Variants in LAMA2 observed in about 807,000 individuals in gnomAD.
The protein encoded by LAMA2 is laminin subunit alpha 2.
LAMA2 carries 269 observed loss-of-function variants against 364.8 expected under a neutral mutation model. The ratio of observed to expected loss-of-function variants is 0.74; its 90% CI spans 0.67 to 0.82. The LOEUF is 0.82. LAMA2 is among the 40% of genes least tolerant of loss of function. LAMA2 has a pLI of 0.00. For synonymous variants in LAMA2, 1,379 were observed against 1,370.6 expected (o/e 1.01, Z -0.14); for missense variants, 3,807 against 3,873.2 (o/e 0.98, Z 0.45).
At chr6:129,453,168 A>G (rs768143787) in intron 46 of LAMA2, 37 bp downstream of exon 46, 29 of 1,579,448 alleles carry the variant, frequency 1.8e-5, no homozygotes, top group Non-Finnish European at 2.2e-5. Flanking sequence ...AGGCTGCTGT[A>G]TGTGTATAGC....
At chr6:128,896,557 A>G (rs897800957) in intron 1 of LAMA2, among the ~76,000 whole-genome samples, 8 of 152,088 alleles carry the variant, frequency 5.3e-5, no homozygotes, top group African/African-American at 1.7e-4. Flanking sequence ...TAGCTTTTCA[A>G]TTCTCTTTAT....
At chr6:129,155,445 G>T (rs1779053608) in intron 8 of LAMA2, among the ~76,000 whole-genome samples, 2 of 151,996 alleles carry the variant, frequency 1.3e-5, no homozygotes, top group South Asian at 4.1e-4. Flanking sequence ...GTGTGAAATG[G>T]CATCTGATTA....
chr6:129,509,503 T>C (rs1404825897), intron 62 of LAMA2, among the ~76,000 whole-genome samples: 1 of 152,176 alleles, frequency 6.6e-6, no homozygotes, highest in Non-Finnish European at 1.5e-5. Flanking sequence ...GATTCAAGTC[T>C]CTAATCCACT....
rs142528170 is a variant in LAMA2, at chr6:129,031,905, A to G, written c.113-18013A>G. Among the ~76,000 whole-genome samples the G allele has an allele frequency of 7.3e-3, 1,113 of 151,644 alleles. 9 individuals carry two copies. Among genetic ancestry groups the G allele is most frequent in the Non-Finnish European group, 0.012 (828 of 67,894 alleles). On this transcript the variant is annotated intron_variant, in intron 1 of 64. Coordinates refer to ENST00000421865, the MANE Select transcript of LAMA2 (RefSeq NM_000426.4). ...CAGTGGCACGATCTCTGCAACCTCT[A>G]CCTCCTGGGTTCAAAATGATTCTCC...
chr6:128,929,827 C>G (rs1259127642), intron 1 of LAMA2: 5 of 1,043,346 alleles, frequency 4.8e-6, no homozygotes, highest in Admixed American at 1.7e-5. Context: ...AGAAGATACG[C>G]AGTCCCTTGT....
chr6:129,357,718 C>T (rs7453910), intron 32 of LAMA2, among the ~76,000 whole-genome samples: 123,033 of 151,858 alleles, frequency 0.81, 49,921 homozygotes, highest in East Asian at 0.92. Context: ...TCAACATTGT[C>T]GTTTTTAATA....
intron 17 of LAMA2, among the ~76,000 whole-genome samples, chr6:129,275,535 T>C (rs1788250350): frequency 6.6e-6 from 1 of 151,996 alleles, no homozygotes. Flanking sequence ...ATGTTCACTG[T>C]AAAAATCAGT....
At chr6:129,078,699 A>C (rs1773824603) in intron 3 of LAMA2, among the ~76,000 whole-genome samples, 1 of 152,158 alleles carries the variant, frequency 6.6e-6, no homozygotes, top group Non-Finnish European at 1.5e-5. Context: ...GCCACTTTTA[A>C]GTGTACATTG....
At chr6:128,972,167 A>T (rs1250873106) in intron 1 of LAMA2, among the ~76,000 whole-genome samples, 4 of 152,170 alleles carry the variant, frequency 2.6e-5, no homozygotes, top group African/African-American at 7.2e-5. Context: ...TAAACATTAG[A>T]TATTGCTATT....
intron 4 of LAMA2, among the ~76,000 whole-genome samples, chr6:129,129,449 G>A (rs1161388182): frequency 6.6e-6 from 1 of 152,154 alleles, no homozygotes; most frequent in African/African-American, 2.4e-5. Context: ...TGTACACATT[G>A]AGGATGATGT....
At chr6:129,324,170 A>T (rs1273213534) in intron 28 of LAMA2, among the ~76,000 whole-genome samples, 2 of 152,218 alleles carry the variant, frequency 1.3e-5, no homozygotes, top group African/African-American at 4.8e-5. Context: ...ATATAACCTA[A>T]AACAATCATG....
chr6:129,421,833 T>C (rs1781089278), intron 40 of LAMA2, among the ~76,000 whole-genome samples: 1 of 152,072 alleles, frequency 6.6e-6, no homozygotes, highest in Admixed American at 6.6e-5. Flanking sequence ...ACCTCTCAAT[T>C]CCACGGTGCT....
chr6:128,911,751 G>A (rs1777978782), intron 1 of LAMA2, among the ~76,000 whole-genome samples: 1 of 151,990 alleles, frequency 6.6e-6, no homozygotes, highest in Non-Finnish European at 1.5e-5. Context: ...CCATATAACC[G>A]TCAGCCCAAC....
intron 12 of LAMA2, among the ~76,000 whole-genome samples, chr6:129,205,086 C>CA (rs138906351): frequency 0.098 from 14,651 of 148,784 alleles, 740 homozygotes; most frequent in Non-Finnish European, 0.12. Context: ...TGATGCAATC[C>CA]AAAAAAAAAA....
chr6:129,041,958 T>G (rs1158158242), intron 1 of LAMA2, among the ~76,000 whole-genome samples: 1 of 149,982 alleles, frequency 6.7e-6, no homozygotes, highest in East Asian at 2.0e-4. Flanking sequence ...ATTATAATCA[T>G]GCTATTGCAC....
At chr6:129,172,847 A>G (rs1040914498) in intron 9 of LAMA2, among the ~76,000 whole-genome samples, 1 of 152,228 alleles carries the variant, frequency 6.6e-6, no homozygotes, top group Non-Finnish European at 1.5e-5. Flanking sequence ...AGGACCCTCC[A>G]AGCCAGGTGC....
Position 129,442,420 on chromosome 6 carries a change from T to C in LAMA2, c.6269-643T>C, listed in dbSNP as rs963873902. On this transcript the variant is annotated intron_variant, in intron 43 of 64. Coordinates refer to ENST00000421865, the MANE Select transcript of LAMA2 (RefSeq NM_000426.4). ...GCTCAAAGTTTACATAATAACTTCT[T>C]ATGATTTATGCCAAATCACAATATT... Among the ~76,000 whole-genome samples the C allele has an allele frequency of 3.9e-5, 6 of 152,312 alleles. No individual in the cohort carries two copies. In the South Asian group the frequency reaches 1.2e-3, roughly 32 times the overall value.
At chr6:129,130,811 T>C (rs570030664) in intron 4 of LAMA2, among the ~76,000 whole-genome samples, 1 of 152,328 alleles carries the variant, frequency 6.6e-6, no homozygotes, top group Admixed American at 6.5e-5. Context: ...TTTTATAAAC[T>C]ATCTCTATAA....
intron 1 of LAMA2, among the ~76,000 whole-genome samples, chr6:129,006,518 A>G (rs1180261368): frequency 6.6e-6 from 1 of 152,048 alleles, no homozygotes; most frequent in African/African-American, 2.4e-5. Context: ...TATCCACACC[A>G]TGAGCCATAC....
Sources: allele counts gnomAD v4.1 joint callset (sites outside exome capture counted in the v4.1 genomes callset), GRCh38; gene constraint gnomAD v4.1.1; transcripts MANE v1.5; gene names NCBI Gene and HGNC (gene_info 2026-07-23, HGNC 2026-07-21).